Variants in ELL observed in about 807,000 individuals in gnomAD.
ELL encodes RNA polymerase II elongation factor ELL.
ELL carries 18 observed loss-of-function variants against 64.0 expected under a neutral mutation model. That is an observed-to-expected ratio of 0.28 (90% CI 0.19 to 0.42). The LOEUF (loss-of-function observed/expected upper bound fraction) is 0.42. Ranked by LOEUF, ELL falls within the 10% of genes least tolerant of loss-of-function variation. ELL has a pLI of 1.00. For synonymous variants in ELL, 399 were observed against 376.2 expected, an observed-to-expected ratio of 1.06 and a Z score of -0.70; for missense variants, 797 against 870.4, an observed-to-expected ratio of 0.92 and a Z score of 1.06.
chr19:18,482,794 T>TTGCTGCTGCTGC (rs1555735612), intron 1 of ELL, among the ~76,000 whole-genome samples: 1 of 150,066 alleles, frequency 6.7e-6, no homozygotes, highest in African/African-American at 2.5e-5. Context: ...GTTGTTGTTG[T>TTGCTGCTGCTGC]TGCTGCTGTT....
intron 1 of ELL, among the ~76,000 whole-genome samples, chr19:18,473,487 C>T (rs1975107610): frequency 6.6e-6 from 1 of 152,228 alleles, no homozygotes; most frequent in South Asian, 2.1e-4. Context: ...GGGGTGGGAG[C>T]CTGAGGCCTG....
At chr19:18,465,225 T>C (rs767636055) in intron 4 of ELL, among the ~76,000 whole-genome samples, 187 bp downstream of exon 4, 3 of 152,096 alleles carry the variant, frequency 2.0e-5, no homozygotes, top group African/African-American at 7.2e-5. Context: ...CCCAGGCCCA[T>C]GTGGCCATAC....
Position 18,450,757 on chromosome 19 carries a change from G to T in ELL, c.1185C>A (p.Asp395Glu). 6.3e-7 allele frequency: 1 copy of T among 1,582,266 alleles called. No homozygotes were observed. Among genetic ancestry groups the T allele is most frequent in the African/African-American group, 1.3e-5 (1 of 74,598 alleles). Residue 395 changes from aspartate to glutamate, a missense_variant, in exon 8 of 12, where the codon GAC (aspartate) becomes GAA (glutamate). Coordinates refer to ENST00000262809, the MANE Select transcript of ELL (RefSeq NM_006532.4). ...PPRLEPPRAH[D>E]PLADVSNDLG... ...GGTCATTGCTGACATCGGCCAGGGG[G>T]TCGTGGGCCCTCGGGGGCTCCAGCC...
intron 1 of ELL, among the ~76,000 whole-genome samples, chr19:18,489,461 C>T (rs373759209): frequency 9.3e-4 from 141 of 152,274 alleles, no homozygotes; most frequent in Non-Finnish European, 1.6e-3. Context: ...CCTGCTGGGA[C>T]GTCAAGAGCC....
chr19:18,490,437 T>TG (rs1975503619), intron 1 of ELL, among the ~76,000 whole-genome samples: 1 of 152,224 alleles, frequency 6.6e-6, no homozygotes, highest in Non-Finnish European at 1.5e-5. Flanking sequence ...GACTTGGTGG[T>TG]GACCTCACAT....
chr19:18,517,182 C>T (rs552225567), intron 1 of ELL, among the ~76,000 whole-genome samples: 12 of 152,222 alleles, frequency 7.9e-5, no homozygotes, highest in African/African-American at 2.4e-4. Flanking sequence ...CATGCTTCCA[C>T]TCTCCCCTCT....
Position 18,461,768 on chromosome 19 carries a change from G to A in ELL, c.554C>T (p.Ala185Val), listed in dbSNP as rs750169711. 9 of 1,614,094 alleles carry A rather than the reference G, an allele frequency of 5.6e-6. No individual in the cohort carries two copies. The highest frequency in any genetic ancestry group is 2.7e-5 in the African/African-American group (2 of 75,068). The change falls in exon 5 of 12, where the codon GCG becomes GTG. Residue 185 changes from alanine to valine, a missense_variant. Physicochemically the swap from Ala to Val is moderately conservative, Grantham distance 64. Coordinates refer to ENST00000262809, the MANE Select transcript of ELL (RefSeq NM_006532.4). The part of the protein sequence containing the change: ...SRKRATPINL[A>V]SAIRKSGASA... ...GGCACCACTCTTCCTGATGGCACTC[G>A]CCAAGTTGATGGGGGTTGCCCGCTT...
intron 2 of ELL, among the ~76,000 whole-genome samples, chr19:18,467,637 ACACACACAC>A: frequency 1.4e-4 from 2 of 14,182 alleles, no homozygotes; most frequent in Non-Finnish European, 2.2e-4. Context: ...ACAACCACAC[ACACACACAC>A]ACACACACAC....
chr19:18,492,263 C>T (rs1025887110), intron 1 of ELL, among the ~76,000 whole-genome samples: 1 of 152,218 alleles, frequency 6.6e-6, no homozygotes, highest in African/African-American at 2.4e-5. Flanking sequence ...GTCATGGTGA[C>T]GCTGCTTACA....
intron 1 of ELL, among the ~76,000 whole-genome samples, chr19:18,499,706 A>G (rs563740776): frequency 7.9e-5 from 12 of 152,148 alleles, no homozygotes; most frequent in Admixed American, 6.5e-4. Flanking sequence ...CCACAGCCAC[A>G]CCACCTCACG....
chr19:18,521,853 G>C (rs945465682), intron 1 of ELL, 68 bp downstream of exon 1: 2 of 1,514,558 alleles, frequency 1.3e-6, no homozygotes, highest in African/African-American at 2.8e-5. Context: ...ACGCCTCAGT[G>C]AGGGGAGCGC....
At chr19:18,489,853 G>C (rs1975491634) in intron 1 of ELL, among the ~76,000 whole-genome samples, 1 of 152,108 alleles carries the variant, frequency 6.6e-6, no homozygotes, top group African/African-American at 2.4e-5. Flanking sequence ...CACCTAAAGG[G>C]GAGTTCCAGG....
At chr19:18,489,046 C>T (rs1274025887) in intron 1 of ELL, among the ~76,000 whole-genome samples, 1 of 152,152 alleles carries the variant, frequency 6.6e-6, no homozygotes, top group Non-Finnish European at 1.5e-5. Context: ...GCCTGACAGC[C>T]GGAGGGAGCT....
At chr19:18,453,160 A>C (rs8103520) in intron 6 of ELL, among the ~76,000 whole-genome samples, 22,054 of 152,120 alleles carry the variant, frequency 0.14, 1,693 homozygotes, top group South Asian at 0.2. Context: ...TGTAACCTCA[A>C]TTACTTGGGA....
At chr19:18,463,088 C>G (rs1007663341) in intron 4 of ELL, among the ~76,000 whole-genome samples, 2 of 152,280 alleles carry the variant, frequency 1.3e-5, no homozygotes, top group African/African-American at 2.4e-5. Context: ...ATCCTTCCCC[C>G]AAAAGCTCTT....
intron 6 of ELL, 76 bp from the exon 7 acceptor site, chr19:18,451,724 G>T: frequency 8.5e-7 from 1 of 1,172,942 alleles, no homozygotes; most frequent in Non-Finnish European, 1.1e-6. Flanking sequence ...CCACATGGGG[G>T]CCCGGTGGAG....
chr19:18,478,192 C>T (rs147231282), intron 1 of ELL, among the ~76,000 whole-genome samples: 7 of 152,314 alleles, frequency 4.6e-5, no homozygotes, highest in East Asian at 1.9e-4. Context: ...AGCCAACATG[C>T]GTGGTGTCAT....
chr19:18,500,122 C>A (rs1334795823), intron 1 of ELL, among the ~76,000 whole-genome samples: 1 of 152,106 alleles, frequency 6.6e-6, no homozygotes, highest in African/African-American at 2.4e-5. Context: ...ATTATCTGGG[C>A]ATGGTGGCGG....
intron 1 of ELL, among the ~76,000 whole-genome samples, chr19:18,509,593 G>GCGCGCGCGCGCACACACA (rs1438642062): frequency 1.2e-5 from 1 of 83,240 alleles, no homozygotes; most frequent in South Asian, 4.7e-4. Context: ...GCGCGCGCGC[G>GCGCGCGCGCGCACACACA]CACATACACA....
Sources: gnomAD v4.1 joint callset for allele counts (sites outside exome capture counted in the v4.1 genomes callset) on GRCh38, gnomAD v4.1.1 for gene constraint, MANE v1.5 for transcripts, NCBI Gene and HGNC (gene_info 2026-07-23, HGNC 2026-07-21) for gene names.